The following COL25A1 variants were observed in gnomAD, a reference collection of about 807,000 sequenced individuals.
COL25A1 encodes collagen alpha-1(XXV) chain.
COL25A1 carries 103 observed loss-of-function variants against 128.4 expected under a neutral mutation model. That is an observed-to-expected ratio of 0.80 (90% CI 0.68 to 0.94). The LOEUF is 0.94. COL25A1 is among the 40% of genes least tolerant of loss of function. The pLI, the probability that COL25A1 is intolerant of heterozygous loss-of-function variation, is 0.00. For missense variants in COL25A1, 745 were observed against 840.0 expected, an observed-to-expected ratio of 0.89 and a Z score of 1.40; for synonymous variants, 279 against 277.2, an observed-to-expected ratio of 1.01 and a Z score of -0.06.
chr4:109,299,096 C>T (rs1173689292), intron 3 of COL25A1, among the ~76,000 whole-genome samples: 1 of 152,088 alleles, frequency 6.6e-6, no homozygotes, highest in Non-Finnish European at 1.5e-5. Context: ...TCTATTTTTA[C>T]TAAGTTTATT....
At chr4:109,133,553 GTCT>G (rs1769419613) in intron 3 of COL25A1, among the ~76,000 whole-genome samples, 2 of 152,180 alleles carry the variant, frequency 1.3e-5, no homozygotes, top group South Asian at 2.1e-4. Context: ...TGTTAGGAAA[GTCT>G]TCTCTCCTTA....
At chr4:109,293,772 C>G (rs539231389) in intron 3 of COL25A1, among the ~76,000 whole-genome samples, 1 of 151,978 alleles carries the variant, frequency 6.6e-6, no homozygotes, top group Non-Finnish European at 1.5e-5. Context: ...ATAAAAAATG[C>G]GCTTCAAATC....
intron 3 of COL25A1, among the ~76,000 whole-genome samples, chr4:109,208,314 C>A (rs181613363): frequency 1.3e-5 from 2 of 152,256 alleles, no homozygotes; most frequent in Non-Finnish European, 2.9e-5. Flanking sequence ...TTATCATATT[C>A]TTTCCATCCA....
At chr4:109,148,742 A>G (rs1771188474) in intron 3 of COL25A1, among the ~76,000 whole-genome samples, 1 of 151,926 alleles carries the variant, frequency 6.6e-6, no homozygotes, top group African/African-American at 2.4e-5. Context: ...AGATGTTTCC[A>G]TGGCCTTTCC....
intron 3 of COL25A1, among the ~76,000 whole-genome samples, chr4:109,054,374 G>A (rs754125032): frequency 2.7e-4 from 41 of 152,134 alleles, no homozygotes; most frequent in Admixed American, 1.3e-4. Context: ...TACTCACTCC[G>A]CCCCATTTGT....
chr4:108,852,112 A>C (rs1362317142), intron 26 of COL25A1, 124 bp downstream of exon 26: 13 of 742,442 alleles, frequency 1.8e-5, no homozygotes, highest in Non-Finnish European at 2.7e-5. Context: ...TCGCTCTCTA[A>C]AACAATACTG....
At chr4:108,973,984 C>T (rs1015519671) in intron 8 of COL25A1, among the ~76,000 whole-genome samples, 3 of 152,164 alleles carry the variant, frequency 2.0e-5, no homozygotes, top group African/African-American at 4.8e-5. Flanking sequence ...TGCAATAGCA[C>T]GTAAGGTTTA....
intron 3 of COL25A1, among the ~76,000 whole-genome samples, chr4:109,181,273 C>G (rs1000274464): frequency 6.6e-6 from 1 of 152,058 alleles, no homozygotes; most frequent in African/African-American, 2.4e-5. Flanking sequence ...CCTGAAAATT[C>G]ACTTACACGT....
At chr4:109,268,477 T>C (rs1781944845) in intron 3 of COL25A1, among the ~76,000 whole-genome samples, 1 of 152,136 alleles carries the variant, frequency 6.6e-6, no homozygotes, top group South Asian at 2.1e-4. Flanking sequence ...TGATTTCTTC[T>C]GGGTAGATGA....
At chr4:108,999,736 A>G (rs1199403262) in intron 6 of COL25A1, among the ~76,000 whole-genome samples, 1 of 152,194 alleles carries the variant, frequency 6.6e-6, no homozygotes, top group Non-Finnish European at 1.5e-5. Context: ...TCAGTGATAG[A>G]CTGGATTAAG....
chr4:109,302,436 C>G lies in COL25A1; in HGVS notation c.-324G>C. 5.1e-6 allele frequency: 1 copy of G among 195,974 alleles called. No individual in the cohort carries two copies. The highest frequency in any genetic ancestry group is 5.7e-5 in the Admixed American group (1 of 17,608). 12.1% of individuals were successfully genotyped at this position (195,974 alleles called of 1,614,324 possible). On this transcript the variant is annotated 5_prime_UTR_variant, in exon 1 of 38. Coordinates refer to ENST00000399132, the MANE Select transcript of COL25A1 (RefSeq NM_198721.4). ...TCGCCCTGGCCACGGAGGACCGGAC[C>G]TGTTGCGCCTCTGTGAGTTTGCCTT...
At chr4:108,878,061 T>C (rs77876312) in intron 19 of COL25A1, among the ~76,000 whole-genome samples, 1 of 152,284 alleles carries the variant, frequency 6.6e-6, no homozygotes, top group African/African-American at 2.4e-5. Flanking sequence ...CAGAAATGAC[T>C]CATCAGGTGT....
chr4:109,019,349 TACACACAC>T (rs758326280), intron 5 of COL25A1, among the ~76,000 whole-genome samples: 1 of 54,296 alleles, frequency 1.8e-5, no homozygotes, highest in Non-Finnish European at 3.0e-5. Context: ...TACACACACA[TACACACAC>T]ACACACACAC....
At chr4:109,123,341 A>C (rs1053304612) in intron 3 of COL25A1, among the ~76,000 whole-genome samples, 8 of 152,004 alleles carry the variant, frequency 5.3e-5, no homozygotes, top group African/African-American at 1.9e-4. Flanking sequence ...TTTAAATATA[A>C]TCTATAAACT....
intron 3 of COL25A1, among the ~76,000 whole-genome samples, chr4:109,142,151 AATTT>A (rs1770467605): frequency 6.6e-6 from 1 of 152,106 alleles, no homozygotes; most frequent in South Asian, 2.1e-4. Flanking sequence ...GGTTTCAAAG[AATTT>A]ATTTATTTCT....
intron 18 of COL25A1, among the ~76,000 whole-genome samples, chr4:108,884,478 C>T (rs998312513): frequency 3.3e-5 from 5 of 152,012 alleles, no homozygotes; most frequent in Non-Finnish European, 7.4e-5. Context: ...CGTCAGATGG[C>T]GAGAAAGAGG....
At chr4:109,233,769 G>C (rs1452609834) in intron 3 of COL25A1, among the ~76,000 whole-genome samples, 1 of 152,094 alleles carries the variant, frequency 6.6e-6, no homozygotes, top group African/African-American at 2.4e-5. Flanking sequence ...ATGCTGCAGT[G>C]TTCTGCAGTG....
chr4:109,224,985 C>A (rs1778703883), intron 3 of COL25A1, among the ~76,000 whole-genome samples: 2 of 151,984 alleles, frequency 1.3e-5, no homozygotes, highest in Admixed American at 1.3e-4. Context: ...CATACAAATA[C>A]CTGAGTCATA....
At chr4:109,120,815 GAA>G (rs901940232) in intron 3 of COL25A1, among the ~76,000 whole-genome samples, 4 of 93,238 alleles carry the variant, frequency 4.3e-5, no homozygotes, top group African/African-American at 1.7e-4. Context: ...CTCAACAAAA[GAA>G]AAAAAAAAAA....
Sources: allele counts gnomAD v4.1 joint callset (sites outside exome capture counted in the v4.1 genomes callset), GRCh38; gene constraint gnomAD v4.1.1; transcripts MANE v1.5; gene names NCBI Gene and HGNC (gene_info 2026-07-23, HGNC 2026-07-21).